The following TNIP1 variants were observed in gnomAD, a reference collection of about 807,000 sequenced individuals.
The protein encoded by TNIP1 is TNFAIP3 interacting protein 1.
A neutral mutation model predicts 86.6 loss-of-function variants in TNIP1; 22 were observed. That is an observed-to-expected ratio of 0.25 (90% CI 0.18 to 0.36). TNIP1 has a LOEUF of 0.36. Among genes scored for constraint, TNIP1 ranks in the 10% least tolerant of loss-of-function variants. The pLI is 1.00. For synonymous variants in TNIP1, 294 were observed against 313.0 expected, an observed-to-expected ratio of 0.94 and a Z score of 0.64; for missense variants, 709 against 820.6, an observed-to-expected ratio of 0.86 and a Z score of 1.66.
Position 151,063,761 on chromosome 5 carries a change from G to C in TNIP1, c.137-14C>G, listed in dbSNP as rs1311709516. The C allele has an allele frequency of 6.2e-7, 1 of 1,609,620 alleles. No homozygotes were observed. The highest frequency in any genetic ancestry group is 2.2e-5 in the East Asian group (1 of 44,736). ...CCAAAAGCTCCCCTAGAGTTATTGG[G>C]GAAGAGGAAGCAAAAGCATTTACTC... On this transcript the variant is annotated splice_polypyrimidine_tract_variant and intron_variant, in intron 2 of 17. Coordinates refer to ENST00000521591, the MANE Select transcript of TNIP1 (RefSeq NM_006058.5).
intron 1 of TNIP1, among the ~76,000 whole-genome samples, chr5:151,072,222 A>T (rs557935772): frequency 1.3e-5 from 2 of 152,306 alleles, no homozygotes; most frequent in South Asian, 2.1e-4. Context: ...TGAAGCTCAG[A>T]GGTGGGAAAC....
At chr5:151,045,792 C>G in intron 9 of TNIP1, 69 bp downstream of exon 9, 2 of 1,535,892 alleles carry the variant, frequency 1.3e-6, no homozygotes, top group East Asian at 2.2e-5. Flanking sequence ...GAGGCCAGGG[C>G]AAGCCTTTGT....
At chr5:151,052,071 G>T in intron 7 of TNIP1, 94 bp downstream of exon 7, 1 of 1,124,404 alleles carries the variant, frequency 8.9e-7, no homozygotes, top group Non-Finnish European at 1.3e-6. Flanking sequence ...GGGCCTCAGA[G>T]CCACGGTCCT....
intron 4 of TNIP1, 103 bp downstream of exon 4, chr5:151,062,024 C>CAGTTT: frequency 9.4e-7 from 1 of 1,061,798 alleles, no homozygotes; most frequent in Non-Finnish European, 1.4e-6. Context: ...AGACGGAACA[C>CAGTTT]AGTTTCTTGA....
chr5:151,063,784 C>T, intron 2 of TNIP1, 37 bp from the exon 3 acceptor site: 1 of 1,604,634 alleles, frequency 6.2e-7, no homozygotes, highest in South Asian at 1.1e-5. Flanking sequence ...AAAGCATTTA[C>T]TCGGCTCAGT....
Position 151,045,866 on chromosome 5 carries a change from T to C in TNIP1, c.931A>G (p.Ser311Gly). The C allele has an allele frequency of 2.5e-6, 4 of 1,614,016 alleles. No homozygotes were observed. The highest frequency in any genetic ancestry group is 3.4e-6 in the Non-Finnish European group (4 of 1,180,020). Residue 311 changes from serine (S) to glycine (G), a missense_variant, in exon 9 of 18, where the codon AGT becomes GGT. Coordinates refer to ENST00000521591, the MANE Select transcript of TNIP1 (RefSeq NM_006058.5). Reference sequence around the variant, plus strand: ...CTGCCACCTCGGCCACCTACCTCACTGCGCTGCTGCTCCAGCATCTTCACC... The same window carrying C: ...CTGCCACCTCGGCCACCTACCTCACCGCGCTGCTGCTCCAGCATCTTCACC... The part of the protein sequence containing the change: ...KKVKMLEQQR[S>G]ELLEVNKQWD...
At position 151,030,720 on chromosome 5, in the gene TNIP1, G is replaced by A; in HGVS notation, c.1904C>T (p.Pro635Leu). The A allele has an allele frequency of 6.2e-7, 1 of 1,612,978 alleles. No individual in the cohort carries two copies. The highest frequency in any genetic ancestry group is 1.1e-5 in the South Asian group (1 of 90,874). Residue 635 changes from proline (P) to leucine (L), a missense_variant, in exon 18 of 18, where the codon CCT becomes CTT. Transcript: ENST00000521591. Reference sequence around the variant, plus strand: ...AAATGACACAATCTGGTCTCACTGAGGCCCCTCACGGTCATTTTTTGGAGA... The same window carrying A: ...AAATGACACAATCTGGTCTCACTGAAGCCCCTCACGGTCATTTTTTGGAGA... Reference protein sequence around the residue: ...PESPKNDREGPQ With the variant: ...PESPKNDREGLQ
intron 8 of TNIP1, 116 bp downstream of exon 8, chr5:151,049,708 C>G: frequency 7.7e-7 from 1 of 1,293,132 alleles, no homozygotes; most frequent in Non-Finnish European, 1.1e-6. Flanking sequence ...CAGCTAGAAC[C>G]TTCTACCACT....
chr5:151,061,712 A>T (rs1037956276), intron 4 of TNIP1, among the ~76,000 whole-genome samples: 3 of 152,108 alleles, frequency 2.0e-5, no homozygotes, highest in Admixed American at 6.5e-5. Flanking sequence ...TCCTGGGTTC[A>T]AGCAATCCTC....
intron 9 of TNIP1, 52 bp from the exon 10 acceptor site, chr5:151,043,013 G>A (rs747148377): frequency 1.9e-6 from 3 of 1,594,054 alleles, no homozygotes; most frequent in Non-Finnish European, 2.6e-6. Flanking sequence ...GGAACAAGGA[G>A]AGCCATCTCC....
intron 8 of TNIP1, 108 bp downstream of exon 8, chr5:151,049,716 A>G: frequency 2.2e-6 from 3 of 1,349,270 alleles, no homozygotes; most frequent in Non-Finnish European, 3.1e-6. Context: ...ACCTTCTACC[A>G]CTGGCACTGG....
chr5:151,072,259 C>T (rs570291239), intron 1 of TNIP1, among the ~76,000 whole-genome samples: 4 of 152,342 alleles, frequency 2.6e-5, no homozygotes, highest in East Asian at 3.9e-4. Context: ...TTCTCCAGAA[C>T]GTGCCCCAAG....
chr5:151,042,322 A>T (rs1338694050), intron 11 of TNIP1, among the ~76,000 whole-genome samples: 3 of 152,226 alleles, frequency 2.0e-5, no homozygotes, highest in African/African-American at 4.8e-5. Flanking sequence ...CTGAATAAAA[A>T]CAAGAAAATG....
chr5:151,063,890 CCAAGTGGGA>C, intron 2 of TNIP1, 143 bp from the exon 3 acceptor site: 1 of 1,017,248 alleles, frequency 9.8e-7, no homozygotes, highest in South Asian at 1.7e-5. Context: ...GCTCTGTGGG[CCAAGTGGGA>C]CAAACTCCAT....
At chr5:151,059,779 CAGAGAGAGAGAG>C (rs55637016) in intron 5 of TNIP1, among the ~76,000 whole-genome samples, 6,640 of 67,470 alleles carry the variant, frequency 0.098, 193 homozygotes, top group East Asian at 0.27. Flanking sequence ...GTACGAGAGA[CAGAGAGAGAGAG>C]AGAGAGAGAG....
intron 1 of TNIP1, among the ~76,000 whole-genome samples, chr5:151,067,585 A>T (rs1013316325): frequency 6.6e-5 from 10 of 152,240 alleles, no homozygotes; most frequent in African/African-American, 2.4e-4. Context: ...AATGGAACTC[A>T]CAGTCAACAC....
At chr5:151,060,822 T>C (rs1489900579) in intron 4 of TNIP1, among the ~76,000 whole-genome samples, 3 of 152,200 alleles carry the variant, frequency 2.0e-5, no homozygotes, top group Non-Finnish European at 2.9e-5. Context: ...AAAGCAGGGA[T>C]TGAACCCAAG....
At chr5:151,045,507 G>A (rs1365017316) in intron 9 of TNIP1, among the ~76,000 whole-genome samples, 8 of 152,032 alleles carry the variant, frequency 5.3e-5, no homozygotes, top group Non-Finnish European at 1.2e-4. Context: ...TCTCTCAAGG[G>A]TCCCTCCACT....
chr5:151,032,176 C>T, intron 17 of TNIP1, 111 bp downstream of exon 17: 1 of 904,418 alleles, frequency 1.1e-6, no homozygotes, highest in East Asian at 2.6e-5. Context: ...AGCTGGGCCT[C>T]TCCTCCACCA....
Sources: allele counts gnomAD v4.1 joint callset (sites outside exome capture counted in the v4.1 genomes callset), GRCh38; gene constraint gnomAD v4.1.1; transcripts MANE v1.5; gene names NCBI Gene and HGNC (gene_info 2026-07-23, HGNC 2026-07-21).